FAT3: variants seen among roughly 807,000 people sequenced by gnomAD.
FAT3 encodes FAT atypical cadherin 3.
FAT3 carries 95 observed loss-of-function variants against 310.2 expected under a neutral mutation model. The observed-to-expected ratio is 0.31, with a 90% CI of 0.26 to 0.36. The LOEUF (loss-of-function observed/expected upper bound fraction) is 0.36, where lower values mean the gene tolerates loss of function less well. Ranked by LOEUF, FAT3 falls within the 10% of genes least tolerant of loss-of-function variation. The pLI is 1.00. For synonymous variants in FAT3, 2,314 were observed against 2,192.9 expected (o/e 1.06, Z -1.54); for missense variants, 5,408 against 5,715.6 (o/e 0.95, Z 1.74).
chr11:92,559,457 T>C (rs1441463203), intron 3 of FAT3: 4 of 367,644 alleles, frequency 1.1e-5, no homozygotes, highest in Non-Finnish European at 2.2e-5. Flanking sequence ...TGATCATAGC[T>C]CACTGCAATC....
At chr11:92,701,591 A>G (rs1944098425) in intron 4 of FAT3, among the ~76,000 whole-genome samples, 1 of 152,216 alleles carries the variant, frequency 6.6e-6, no homozygotes, top group Non-Finnish European at 1.5e-5. Flanking sequence ...TCTTCCTACC[A>G]TAAAATGCAA....
intron 3 of FAT3, among the ~76,000 whole-genome samples, chr11:92,593,987 G>T (rs1041870811): frequency 6.6e-6 from 1 of 152,100 alleles, no homozygotes; most frequent in Admixed American, 6.6e-5. Context: ...AACATGAGAA[G>T]CAAGGACCCC....
chr11:92,873,834 A>G (rs76780954), intron 22 of FAT3, among the ~76,000 whole-genome samples: 1 of 152,230 alleles, frequency 6.6e-6, no homozygotes, highest in Non-Finnish European at 1.5e-5. Context: ...GAAAGAAGCT[A>G]TGACTTTTCG....
intron 4 of FAT3, among the ~76,000 whole-genome samples, chr11:92,702,400 G>C (rs969445019): frequency 2.0e-5 from 3 of 152,184 alleles, no homozygotes; most frequent in Admixed American, 6.5e-5. Context: ...CAGGAAGAAG[G>C]CATGCTCGGC....
Position 92,779,785 on chromosome 11 carries a change from C to T in FAT3, c.4335+5605C>T, listed in dbSNP as rs140214214. Among the ~76,000 whole-genome samples the T allele has an allele frequency of 2.8e-4, 43 of 152,036 alleles. 1 individual carries two copies. The highest frequency in any genetic ancestry group is 2.2e-3 in the Admixed American group (33 of 15,280). ...CCTGGAGTATCCAGTTAGGCCCAGT[C>T]GAATCACATGAGCCCTTAAGCAGAA... On this transcript the variant is annotated intron_variant, in intron 7 of 27. Transcript: ENST00000525166.
chr11:92,705,680 G>A (rs960307432), intron 4 of FAT3, among the ~76,000 whole-genome samples: 2 of 114,138 alleles, frequency 1.8e-5, no homozygotes, highest in Non-Finnish European at 3.6e-5. Flanking sequence ...TGTAGTGATC[G>A]TGGTGGTGTG....
At chr11:92,884,943 G>T (rs1949764416) in intron 24 of FAT3, among the ~76,000 whole-genome samples, 1 of 152,174 alleles carries the variant, frequency 6.6e-6, no homozygotes, top group Non-Finnish European at 1.5e-5. Context: ...TTGGGCAGAA[G>T]GGGAGAAGCC....
chr11:92,871,799 T>G (rs1431664667), intron 22 of FAT3, among the ~76,000 whole-genome samples: 1 of 151,880 alleles, frequency 6.6e-6, no homozygotes. Flanking sequence ...TCTCTATTTT[T>G]AACAAGCCTC....
chr11:92,819,912 C>T (rs955476496), intron 13 of FAT3, among the ~76,000 whole-genome samples: 2 of 152,128 alleles, frequency 1.3e-5, no homozygotes, highest in Non-Finnish European at 2.9e-5. Flanking sequence ...ATAAAGATGC[C>T]AATATTCCTC....
chr11:92,399,169 T>A (rs1334744373), intron 2 of FAT3, among the ~76,000 whole-genome samples: 1 of 152,212 alleles, frequency 6.6e-6, no homozygotes, highest in South Asian at 2.1e-4. Context: ...GTAAATAGTT[T>A]ATGAGTTCTC....
chr11:92,584,485 C>A lies in FAT3; in HGVS notation c.3607+59537C>A, dbSNP rs577629545. ...AATATTTGACAGCTTTTTTTCCCCC[C>A]CTTTTCATCTTATTGTCCAAATGCC... On this transcript the variant is annotated intron_variant, in intron 3 of 27. Coordinates refer to ENST00000525166, the MANE Select transcript of FAT3 (RefSeq NM_001367949.2). Among the ~76,000 whole-genome samples, 112 of 152,044 alleles carry A rather than the reference C, an allele frequency of 7.4e-4. 1 individual carries two copies. The highest frequency in any genetic ancestry group is 2.4e-3 in the African/African-American group (99 of 41,532).
intron 4 of FAT3, among the ~76,000 whole-genome samples, chr11:92,717,687 T>G (rs2135964051): frequency 6.6e-6 from 1 of 152,348 alleles, no homozygotes; most frequent in African/African-American, 2.4e-5. Context: ...TACATTGTTC[T>G]TAACTTAAAA....
intron 2 of FAT3, among the ~76,000 whole-genome samples, chr11:92,476,659 C>T (rs1211981691): frequency 6.6e-6 from 1 of 152,120 alleles, no homozygotes; most frequent in Non-Finnish European, 1.5e-5. Context: ...AAGTCCTGAT[C>T]TCTGCAAGAA....
chr11:92,427,947 G>A (rs1185345784), intron 2 of FAT3, among the ~76,000 whole-genome samples: 1 of 151,942 alleles, frequency 6.6e-6, no homozygotes, highest in East Asian at 1.9e-4. Context: ...GGAATGGTAT[G>A]AACTCCTCTT....
intron 4 of FAT3, among the ~76,000 whole-genome samples, chr11:92,742,922 A>G (rs1475955981): frequency 6.6e-6 from 1 of 152,240 alleles, no homozygotes; most frequent in East Asian, 1.9e-4. Context: ...CTGTAGGTGT[A>G]GCGGTGTTAG....
intron 3 of FAT3, among the ~76,000 whole-genome samples, chr11:92,679,850 A>G (rs910056069): frequency 3.7e-5 from 4 of 109,444 alleles, no homozygotes; most frequent in African/African-American, 1.5e-4. Flanking sequence ...TCAAAAAAAA[A>G]AAAAAAAAAA....
chr11:92,503,426 G>A (rs898843295), intron 2 of FAT3, among the ~76,000 whole-genome samples: 13 of 152,036 alleles, frequency 8.6e-5, no homozygotes, highest in African/African-American at 3.1e-4. Context: ...ATTGTAACAG[G>A]TGGATTAAAT....
intron 22 of FAT3, among the ~76,000 whole-genome samples, chr11:92,874,785 C>T (rs1464075351): frequency 2.0e-5 from 3 of 152,146 alleles, no homozygotes; most frequent in Non-Finnish European, 4.4e-5. Flanking sequence ...GTGATCCGCC[C>T]ACCTTGGCCT....
intron 2 of FAT3, among the ~76,000 whole-genome samples, chr11:92,511,027 A>C (rs1224195161): frequency 6.6e-6 from 1 of 152,242 alleles, no homozygotes; most frequent in Non-Finnish European, 1.5e-5. Context: ...GCCTGAAGGC[A>C]CTGATTCTGG....
Sources: allele counts gnomAD v4.1 joint callset (sites outside exome capture counted in the v4.1 genomes callset), GRCh38; gene constraint gnomAD v4.1.1; transcripts MANE v1.5; gene names NCBI Gene and HGNC (gene_info 2026-07-23, HGNC 2026-07-21).